The following NELL1 variants were observed in gnomAD, a reference collection of about 807,000 sequenced individuals.
NELL1 encodes protein kinase C-binding protein NELL1.
NELL1 carries 76 observed loss-of-function variants against 107.4 expected under a neutral mutation model. That is an observed-to-expected ratio of 0.71 (90% CI 0.59 to 0.86). The LOEUF is 0.86. NELL1 is among the 40% of genes least tolerant of loss of function. The pLI, the probability that NELL1 is intolerant of heterozygous loss-of-function variation, is 0.00. For missense variants in NELL1, 1,024 were observed against 1,005.5 expected (o/e 1.02, Z -0.25); for synonymous variants, 353 against 341.2 (o/e 1.03, Z -0.38).
At chr11:20,975,532 ATATT>A (rs1851587754) in intron 12 of NELL1, among the ~76,000 whole-genome samples, 1 of 145,932 alleles carries the variant, frequency 6.9e-6, no homozygotes. Flanking sequence ...TATATTCAAT[ATATT>A]ATGTATTATA....
At chr11:20,673,343 C>A (rs765257872) in intron 1 of NELL1, among the ~76,000 whole-genome samples, 1 of 152,074 alleles carries the variant, frequency 6.6e-6, no homozygotes, top group Non-Finnish European at 1.5e-5. Flanking sequence ...TCGTAGGTGC[C>A]CAGGGGCCCA....
At chr11:21,037,223 T>C in intron 12 of NELL1, among the ~76,000 whole-genome samples, 1 of 116,286 alleles carries the variant, frequency 8.6e-6, no homozygotes, top group South Asian at 3.1e-4. Context: ...TTTTGTAACT[T>C]AATTTAATTT....
chr11:21,312,775 G>C (rs1346656303), intron 14 of NELL1, among the ~76,000 whole-genome samples: 1 of 152,110 alleles, frequency 6.6e-6, no homozygotes, highest in African/African-American at 2.4e-5. Flanking sequence ...GACAGGAATG[G>C]ATAAAAAACA....
chr11:21,385,575 G>A (rs112054681), intron 15 of NELL1, among the ~76,000 whole-genome samples: 168 of 151,168 alleles, frequency 1.1e-3, no homozygotes, highest in African/African-American at 4.0e-3. Context: ...TTTGTTTTAC[G>A]CCTGAAATGA....
At chr11:20,675,947 C>T (rs370873108) in intron 1 of NELL1, among the ~76,000 whole-genome samples, 1 of 152,040 alleles carries the variant, frequency 6.6e-6, no homozygotes, top group Non-Finnish European at 1.5e-5. Flanking sequence ...CATGGTCTCC[C>T]TATGTTGCCC....
In NELL1 at chr11:20,927,413, G is replaced by A. The variant is rs1178304989; in HGVS notation, c.865G>A (p.Gly289Ser). 3 of 1,611,632 alleles carry A rather than the reference G, an allele frequency of 1.9e-6. No individual in the cohort carries two copies. The highest frequency in any genetic ancestry group is 1.7e-5 in the Admixed American group (1 of 59,218). Residue 289 changes from glycine to serine, a missense_variant, in exon 8 of 20, where the codon GGT becomes AGT. By Grantham distance (56) the Gly-to-Ser change is moderately conservative (BLOSUM62 0). Coordinates refer to ENST00000357134, the MANE Select transcript of NELL1 (RefSeq NM_006157.5). ...LYRDQDSWVD[G>S]DHCRNCTCKS... The stretch of plus-strand genomic sequence containing the variant: ...TCGAGATCAAGACTCTTGGGTAGAT[G>A]GTGACCATTGCAGGAACTGCACTTG...
intron 13 of NELL1, among the ~76,000 whole-genome samples, chr11:21,193,427 C>G (rs904691883): frequency 1.3e-5 from 2 of 151,844 alleles, no homozygotes; most frequent in South Asian, 2.1e-4. Context: ...GCAGAGATAA[C>G]AGCATATATA....
intron 10 of NELL1, among the ~76,000 whole-genome samples, chr11:20,941,220 T>C (rs1590442451): frequency 6.6e-6 from 1 of 152,212 alleles, no homozygotes. Context: ...GGTTAGTGGA[T>C]TTCCATGGCT....
intron 12 of NELL1, among the ~76,000 whole-genome samples, chr11:21,095,378 C>T (rs1854616975): frequency 6.6e-6 from 1 of 152,158 alleles, no homozygotes; most frequent in Admixed American, 6.6e-5. Context: ...ATTGTTCCAC[C>T]CTCTGCCTGT....
intron 5 of NELL1, among the ~76,000 whole-genome samples, chr11:20,894,988 C>CTTCA (rs1849694435): frequency 6.6e-6 from 1 of 150,992 alleles, no homozygotes; most frequent in African/African-American, 2.5e-5. Context: ...ATTATTCCCT[C>CTTCA]TGGCCGGGCG....
At chr11:20,958,308 G>T (rs368741614) in intron 11 of NELL1, among the ~76,000 whole-genome samples, 223 of 152,168 alleles carry the variant, frequency 1.5e-3, no homozygotes, top group African/African-American at 5.3e-3. Context: ...CAGCTACTCA[G>T]TTGCCGAGGT....
intron 4 of NELL1, among the ~76,000 whole-genome samples, chr11:20,874,654 T>C (rs1174448529): frequency 6.6e-6 from 1 of 152,238 alleles, no homozygotes; most frequent in African/African-American, 2.4e-5. Context: ...TTGAGGCTAA[T>C]TGTCCTTCAT....
chr11:20,775,974 G>A (rs1856741998), intron 2 of NELL1, among the ~76,000 whole-genome samples: 1 of 152,186 alleles, frequency 6.6e-6, no homozygotes, highest in Admixed American at 6.5e-5. Flanking sequence ...ATATTTGTGT[G>A]TATTTGGTAA....
chr11:20,721,197 A>ATAT (rs1253237083), intron 2 of NELL1, among the ~76,000 whole-genome samples: 37 of 108,250 alleles, frequency 3.4e-4, no homozygotes, highest in African/African-American at 1.9e-3. Context: ...ATATATATAT[A>ATAT]GTGTATATAT....
intron 10 of NELL1, among the ~76,000 whole-genome samples, chr11:20,943,459 T>G (rs1467192574): frequency 1.3e-5 from 2 of 152,004 alleles, no homozygotes; most frequent in African/African-American, 4.8e-5. Context: ...GGCACATGCC[T>G]GTAATCCCAG....
intron 12 of NELL1, among the ~76,000 whole-genome samples, chr11:21,067,863 T>G (rs1384596254): frequency 6.6e-6 from 1 of 151,414 alleles, no homozygotes; most frequent in Non-Finnish European, 1.5e-5. Context: ...TGAAACCTGG[T>G]CTCTACTAAA....
chr11:21,412,688 TGAA>T (rs1478491485), intron 15 of NELL1, among the ~76,000 whole-genome samples: 1 of 152,100 alleles, frequency 6.6e-6, no homozygotes, highest in African/African-American at 2.4e-5. Flanking sequence ...TTACCTCCTT[TGAA>T]GTTTTGGGCT....
chr11:20,754,535 G>A (rs1343579136), intron 2 of NELL1, among the ~76,000 whole-genome samples: 1 of 152,030 alleles, frequency 6.6e-6, no homozygotes, highest in Admixed American at 6.5e-5. Context: ...TCACAGTCTT[G>A]GAAAATTGTA....
At chr11:21,200,671 C>T (rs954322240) in intron 13 of NELL1, among the ~76,000 whole-genome samples, 2 of 152,110 alleles carry the variant, frequency 1.3e-5, no homozygotes, top group Non-Finnish European at 2.9e-5. Context: ...GCTTTTGTTG[C>T]CATTGCTTTT....
Sources: allele counts gnomAD v4.1 joint callset (sites outside exome capture counted in the v4.1 genomes callset), GRCh38; gene constraint gnomAD v4.1.1; transcripts MANE v1.5; gene names NCBI Gene and HGNC (gene_info 2026-07-23, HGNC 2026-07-21).